RASAL2: variants seen among roughly 807,000 people sequenced by gnomAD.
RASAL2 encodes RAS protein activator like 2, also known as ras GTPase-activating protein nGAP.
RASAL2 carries 58 observed loss-of-function variants against 128.9 expected under a neutral mutation model. The ratio of observed to expected loss-of-function variants is 0.45; its 90% CI spans 0.36 to 0.56. The LOEUF (loss-of-function observed/expected upper bound fraction) is 0.56. Ranked by LOEUF, RASAL2 falls within the 20% of genes least tolerant of loss-of-function variation. The pLI is 0.00. For missense variants in RASAL2, 1,360 were observed against 1,601.6 expected, an observed-to-expected ratio of 0.85 and a Z score of 2.57; for synonymous variants, 561 against 580.8, an observed-to-expected ratio of 0.97 and a Z score of 0.49.
intron 1 of RASAL2, among the ~76,000 whole-genome samples, chr1:178,259,205 A>C (rs903439573): frequency 1.5e-5 from 2 of 130,696 alleles, no homozygotes; most frequent in Non-Finnish European, 3.1e-5. Context: ...ATCTCGGCTC[A>C]CTGCAAGCTC....
intron 8 of RASAL2, 83 bp downstream of exon 8, chr1:178,443,312 A>G (rs923584488): frequency 1.1e-5 from 14 of 1,240,676 alleles, no homozygotes; most frequent in Middle Eastern, 4.2e-4. Context: ...TAGAAATCCA[A>G]ATTAGAGAAA....
intron 1 of RASAL2, among the ~76,000 whole-genome samples, chr1:178,240,048 G>T (rs1049024000): frequency 2.6e-5 from 4 of 151,814 alleles, no homozygotes; most frequent in African/African-American, 9.7e-5. Flanking sequence ...TTTTATACTT[G>T]ATTATTTTGT....
chr1:178,465,836 G>C, intron 15 of RASAL2, 84 bp from the exon 16 acceptor site: 1 of 1,083,752 alleles, frequency 9.2e-7, no homozygotes, highest in African/African-American at 1.7e-5. Flanking sequence ...AAAAAAGAAA[G>C]AAAGAGAAAG....
intron 1 of RASAL2, among the ~76,000 whole-genome samples, chr1:178,152,970 A>G (rs997511891): frequency 6.6e-6 from 1 of 152,214 alleles, no homozygotes; most frequent in Admixed American, 6.5e-5. Context: ...AAAATAATCT[A>G]ATATCCAATA....
At chr1:178,152,306 TC>T (rs936798781) in intron 1 of RASAL2, among the ~76,000 whole-genome samples, 5 of 152,314 alleles carry the variant, frequency 3.3e-5, no homozygotes, top group Middle Eastern at 3.4e-3. Context: ...GTGTCCCTCT[TC>T]CCCATCTTAA....
intron 1 of RASAL2, among the ~76,000 whole-genome samples, chr1:178,139,185 G>A (rs760408121): frequency 6.6e-6 from 1 of 151,946 alleles, no homozygotes. Flanking sequence ...AAAATATCTA[G>A]TGGATCTCAA....
intron 4 of RASAL2, among the ~76,000 whole-genome samples, chr1:178,392,290 A>G (rs1174127328): frequency 6.6e-6 from 1 of 152,190 alleles, no homozygotes; most frequent in Non-Finnish European, 1.5e-5. Context: ...CAAAGTCTGA[A>G]AGAAAATAAT....
intron 13 of RASAL2, 38 bp downstream of exon 13, chr1:178,456,937 C>A: frequency 6.3e-7 from 1 of 1,581,910 alleles, no homozygotes; most frequent in Non-Finnish European, 8.6e-7. Flanking sequence ...CTCGGAGAAA[C>A]ATAATGTTTA....
chr1:178,435,740 T>C (rs919235455), intron 5 of RASAL2, among the ~76,000 whole-genome samples: 2 of 152,112 alleles, frequency 1.3e-5, no homozygotes, highest in Non-Finnish European at 2.9e-5. Context: ...GGAAGCAGTT[T>C]TTTATTTAAA....
chr1:178,118,172 A>AT (rs1558062920), intron 1 of RASAL2, among the ~76,000 whole-genome samples: 1 of 151,752 alleles, frequency 6.6e-6, no homozygotes, highest in Non-Finnish European at 1.5e-5. Context: ...TAAAAAAAAA[A>AT]AAAAGATATA....
chr1:178,454,931 G>C (rs1020076286), intron 12 of RASAL2, among the ~76,000 whole-genome samples: 1 of 151,960 alleles, frequency 6.6e-6, no homozygotes, highest in African/African-American at 2.4e-5. Flanking sequence ...AACTTGACTA[G>C]AAACTAATAT....
intron 4 of RASAL2, 66 bp downstream of exon 4, chr1:178,390,272 G>A: frequency 8.6e-7 from 1 of 1,166,624 alleles, no homozygotes; most frequent in Non-Finnish European, 1.2e-6. Flanking sequence ...TTAGAGTTAG[G>A]GGCAGCTACT....
At chr1:178,168,124 C>A (rs2101906120) in intron 1 of RASAL2, among the ~76,000 whole-genome samples, 1 of 152,080 alleles carries the variant, frequency 6.6e-6, no homozygotes, top group East Asian at 1.9e-4. Flanking sequence ...CCTTTAGCAC[C>A]CACCTGCATA....
chr1:178,415,562 A>G (rs1177197493), intron 4 of RASAL2, among the ~76,000 whole-genome samples: 1 of 152,134 alleles, frequency 6.6e-6, no homozygotes, highest in East Asian at 1.9e-4. Flanking sequence ...AAAGTAGTCT[A>G]TAGATGTCAA....
chr1:178,247,802 A>G (rs1664843539), intron 1 of RASAL2, among the ~76,000 whole-genome samples: 1 of 152,186 alleles, frequency 6.6e-6, no homozygotes, highest in Non-Finnish European at 1.5e-5. Context: ...GAACTTCGTT[A>G]TCTCTACCTT....
At position 178,160,501 on chromosome 1, in the gene RASAL2, G is replaced by A. The variant is rs72482620; in HGVS notation, c.202+65807G>A. ...AATACAAAAATTAGCGGGACGTGGTGGCAGGTGTCTGTAATCCCAGCTACT... is the reference window on the plus strand; with the variant it reads ...AATACAAAAATTAGCGGGACGTGGTAGCAGGTGTCTGTAATCCCAGCTACT... On this transcript the variant is annotated intron_variant, in intron 1 of 17. Transcript: ENST00000367649. 8.3e-4 allele frequency among the ~76,000 whole-genome samples: 127 copies of A among 152,256 alleles called. No homozygotes were observed. The East Asian group carries it at 0.022, about 26-fold the overall frequency.
intron 12 of RASAL2, among the ~76,000 whole-genome samples, chr1:178,455,185 C>A (rs999913348): frequency 6.6e-6 from 1 of 151,956 alleles, no homozygotes; most frequent in Non-Finnish European, 1.5e-5. Flanking sequence ...TATTTTTAAT[C>A]GTTTGCTAAG....
At chr1:178,309,708 G>C (rs1426292283) in intron 3 of RASAL2, among the ~76,000 whole-genome samples, 1 of 151,936 alleles carries the variant, frequency 6.6e-6, no homozygotes, top group African/African-American at 2.4e-5. Flanking sequence ...AGTGGTTAGG[G>C]GCACTACTCT....
chr1:178,160,892 C>T (rs1345860948), intron 1 of RASAL2, among the ~76,000 whole-genome samples: 2 of 152,152 alleles, frequency 1.3e-5, no homozygotes, highest in African/African-American at 4.8e-5. Flanking sequence ...GTATGCTCAT[C>T]ACTCAGAATG....
Sources: allele counts gnomAD v4.1 joint callset (sites outside exome capture counted in the v4.1 genomes callset), GRCh38; gene constraint gnomAD v4.1.1; transcripts MANE v1.5; gene names NCBI Gene and HGNC (gene_info 2026-07-23, HGNC 2026-07-21).